Variants in ZNF804B observed in about 807,000 individuals in gnomAD.
ZNF804B encodes zinc finger protein 804B.
ZNF804B carries 80 observed loss-of-function variants against 101.4 expected under a neutral mutation model. The observed-to-expected ratio is 0.79, with a 90% CI of 0.66 to 0.95. ZNF804B has a LOEUF of 0.95. Ranked by LOEUF, ZNF804B falls within the 40% of genes least tolerant of loss-of-function variation. The pLI is 0.00. For missense variants in ZNF804B, 1,673 were observed against 1,561.9 expected, an observed-to-expected ratio of 1.07 and a Z score of -1.20; for synonymous variants, 622 against 558.8, an observed-to-expected ratio of 1.11 and a Z score of -1.59.
intron 2 of ZNF804B, among the ~76,000 whole-genome samples, chr7:89,259,514 A>G (rs1789680822): frequency 1.3e-5 from 2 of 152,134 alleles, no homozygotes; most frequent in African/African-American, 4.8e-5. Flanking sequence ...ATCCTTCCAG[A>G]CTTTCATGAT....
At chr7:88,946,484 A>G (rs1359961085) in intron 1 of ZNF804B, among the ~76,000 whole-genome samples, 15 of 150,936 alleles carry the variant, frequency 9.9e-5, no homozygotes, top group African/African-American at 3.7e-4. Flanking sequence ...GTGCTGATGG[A>G]TTCTGTTTGC....
chr7:88,988,761 A>G (rs1020350872), intron 1 of ZNF804B, among the ~76,000 whole-genome samples: 1 of 152,120 alleles, frequency 6.6e-6, no homozygotes, highest in Admixed American at 6.6e-5. Context: ...GTATCTCTAT[A>G]GGGAGAAGGA....
intron 2 of ZNF804B, among the ~76,000 whole-genome samples, chr7:89,321,322 T>C (rs1790816487): frequency 6.6e-6 from 1 of 151,834 alleles, no homozygotes; most frequent in Admixed American, 6.6e-5. Context: ...CTACTAAAAA[T>C]ACAAAAATTA....
intron 1 of ZNF804B, among the ~76,000 whole-genome samples, chr7:89,139,845 A>C (rs1331804769): frequency 6.6e-6 from 1 of 152,052 alleles, no homozygotes; most frequent in Non-Finnish European, 1.5e-5. Flanking sequence ...ATTAATGTAG[A>C]TATTTTGATC....
chr7:88,875,208 G>A (rs1431062386), intron 1 of ZNF804B, among the ~76,000 whole-genome samples: 2 of 144,578 alleles, frequency 1.4e-5, no homozygotes, highest in East Asian at 4.0e-4. Flanking sequence ...GAGAAAGCAG[G>A]AAACATCCAA....
intron 2 of ZNF804B, among the ~76,000 whole-genome samples, chr7:89,248,642 C>T (rs536769306): frequency 1.5e-3 from 234 of 152,026 alleles, no homozygotes; most frequent in Admixed American, 4.5e-3. Flanking sequence ...TAAGGGAGTT[C>T]TAAATAGAGA....
intron 1 of ZNF804B, among the ~76,000 whole-genome samples, chr7:88,763,918 C>T (rs1398317843): frequency 6.6e-6 from 1 of 152,078 alleles, no homozygotes; most frequent in Non-Finnish European, 1.5e-5. Context: ...GCAAGCCAGT[C>T]CACATGGGCT....
chr7:89,023,628 A>G (rs1562863179), intron 1 of ZNF804B, among the ~76,000 whole-genome samples: 1 of 152,178 alleles, frequency 6.6e-6, no homozygotes, highest in Non-Finnish European at 1.5e-5. Context: ...AAGTCTCTCC[A>G]TATCACTAGA....
At position 89,007,568 on chromosome 7, in the gene ZNF804B, AT is replaced by A. The variant is rs1788388569; in HGVS notation, c.109-210585del. Among the ~76,000 whole-genome samples, 2 of 26,764 alleles carry A rather than the reference AT, an allele frequency of 7.5e-5. 1 individual carries two copies. The highest frequency in any genetic ancestry group is 2.3e-3 in the South Asian group (2 of 886). 17.6% of individuals were successfully genotyped at this position (26,764 alleles called of 152,430 possible). A position where few individuals can be genotyped will look rare whatever the true frequency, so the allele number is the denominator to read the frequency against. On this transcript the variant is annotated intron_variant, in intron 1 of 3. Coordinates refer to ENST00000333190, the MANE Select transcript of ZNF804B (RefSeq NM_181646.5). ...ATATAATATATATTTATCTATTATA[AT>A]TATATATAATATATATTTATATATT...
chr7:88,868,488 G>A (rs915156815), intron 1 of ZNF804B, among the ~76,000 whole-genome samples: 3 of 152,092 alleles, frequency 2.0e-5, no homozygotes, highest in African/African-American at 4.8e-5. Flanking sequence ...AATCACAAGC[G>A]GGGTTGTAGA....
intron 1 of ZNF804B, among the ~76,000 whole-genome samples, chr7:88,943,137 C>T (rs1339831364): frequency 2.0e-5 from 3 of 151,880 alleles, no homozygotes; most frequent in African/African-American, 7.2e-5. Flanking sequence ...CTCTGCTTAG[C>T]TTTCGTGAAT....
chr7:89,257,964 A>G (rs1271764253), intron 2 of ZNF804B, among the ~76,000 whole-genome samples: 1 of 152,066 alleles, frequency 6.6e-6, no homozygotes, highest in Non-Finnish European at 1.5e-5. Flanking sequence ...AAGTCACCCC[A>G]TCCAAATTTG....
intron 2 of ZNF804B, among the ~76,000 whole-genome samples, chr7:89,233,574 TG>T (rs1383779555): frequency 1.3e-5 from 2 of 152,034 alleles, no homozygotes; most frequent in Middle Eastern, 3.2e-3. Context: ...TACCTCAATG[TG>T]GGGGTGGGCT....
chr7:89,311,417 C>T (rs1269649545), intron 2 of ZNF804B, among the ~76,000 whole-genome samples: 6 of 151,258 alleles, frequency 4.0e-5, no homozygotes, highest in Admixed American at 4.0e-4. Flanking sequence ...GGAATCTTTC[C>T]TTTTTTTTTC....
chr7:89,218,018 C>A, intron 1 of ZNF804B, 137 bp from the exon 2 acceptor site: 1 of 812,520 alleles, frequency 1.2e-6, no homozygotes, highest in Non-Finnish European at 1.9e-6. Context: ...AAAAGTTATT[C>A]TCACAGTGTC....
intron 1 of ZNF804B, among the ~76,000 whole-genome samples, chr7:88,829,700 A>G (rs1193781004): frequency 6.6e-6 from 1 of 152,196 alleles, no homozygotes; most frequent in African/African-American, 2.4e-5. Flanking sequence ...TGTGCTCTCC[A>G]AAGACCTTGT....
chr7:89,277,088 T>C (rs1322979479), intron 2 of ZNF804B, among the ~76,000 whole-genome samples: 2 of 149,328 alleles, frequency 1.3e-5, no homozygotes, highest in Non-Finnish European at 3.0e-5. Flanking sequence ...TTTCAGTTTA[T>C]TATGTATACA....
chr7:88,861,750 G>T (rs62462057), intron 1 of ZNF804B, among the ~76,000 whole-genome samples: 6,468 of 152,192 alleles, frequency 0.042, 158 homozygotes, highest in Middle Eastern at 0.048. Context: ...GTATCTTAAA[G>T]AATAAGATAT....
chr7:88,950,042 A>G (rs1302869972), intron 1 of ZNF804B, among the ~76,000 whole-genome samples: 1 of 151,916 alleles, frequency 6.6e-6, no homozygotes. Flanking sequence ...TTATTTTTGT[A>G]TGTTAACCAT....
Sources: gnomAD v4.1 joint callset for allele counts (sites outside exome capture counted in the v4.1 genomes callset) on GRCh38, gnomAD v4.1.1 for gene constraint, MANE v1.5 for transcripts, NCBI Gene and HGNC (gene_info 2026-07-23, HGNC 2026-07-21) for gene names.